TAFA4: variants seen among roughly 807,000 people sequenced by gnomAD.
TAFA4 encodes TAFA chemokine like family member 4.
TAFA4 carries 20 observed loss-of-function variants against 21.1 expected under a neutral mutation model. The ratio of observed to expected loss-of-function variants is 0.95; its 90% CI spans 0.67 to 1.38. The LOEUF is 1.38. Ranked by LOEUF, TAFA4 falls within the 40% of genes most tolerant of loss-of-function variation. The pLI is 0.00. For synonymous variants in TAFA4, 71 were observed against 67.4 expected, an observed-to-expected ratio of 1.05 and a Z score of -0.26; for missense variants, 211 against 180.9, an observed-to-expected ratio of 1.17 and a Z score of -0.95.
chr3:68,840,455 A>C (rs1704634801), intron 3 of TAFA4, among the ~76,000 whole-genome samples: 2 of 152,246 alleles, frequency 1.3e-5, no homozygotes, highest in East Asian at 1.9e-4. Context: ...GAGCTCAAGC[A>C]ATCTACCCAC....
chr3:68,852,158 C>A (rs1337296231), intron 3 of TAFA4, among the ~76,000 whole-genome samples: 1 of 152,190 alleles, frequency 6.6e-6, no homozygotes, highest in Middle Eastern at 3.4e-3. Flanking sequence ...TCAAGACTGA[C>A]GGAGGCCAAT....
intron 1 of TAFA4, among the ~76,000 whole-genome samples, chr3:68,919,675 C>T (rs1000216161): frequency 3.3e-5 from 5 of 152,130 alleles, no homozygotes; most frequent in Non-Finnish European, 7.4e-5. Flanking sequence ...GTGGCTCTCA[C>T]GGTGAACAGC....
intron 3 of TAFA4, among the ~76,000 whole-genome samples, chr3:68,842,016 T>C (rs946230765): frequency 6.6e-6 from 1 of 152,218 alleles, no homozygotes; most frequent in African/African-American, 2.4e-5. Flanking sequence ...TACGTGTGCA[T>C]GTGTCCTTAT....
chr3:68,887,223 C>A (rs577786667), intron 1 of TAFA4, among the ~76,000 whole-genome samples: 5 of 152,302 alleles, frequency 3.3e-5, no homozygotes, highest in South Asian at 2.1e-4. Context: ...TGTCCAAAAC[C>A]CAACAGGTAA....
In TAFA4 at chr3:68,772,211, A is replaced by G. The variant is rs540432493; in HGVS notation, c.131-19193T>C. 2.6e-5 allele frequency among the ~76,000 whole-genome samples: 4 copies of G among 152,338 alleles called. No homozygotes were observed. In the South Asian group the frequency reaches 6.2e-4, roughly 24 times the overall value. ...TGATCATCCATCAGATGATTGGTAAATGAGTTCATTTATGGGTATTAAGTT... is the reference window on the plus strand; with the variant it reads ...TGATCATCCATCAGATGATTGGTAAGTGAGTTCATTTATGGGTATTAAGTT... On this transcript the variant is annotated intron_variant, in intron 3 of 5. Transcript: ENST00000295569.
chr3:68,766,021 C>G (rs1702847951), intron 3 of TAFA4, among the ~76,000 whole-genome samples: 1 of 151,850 alleles, frequency 6.6e-6, no homozygotes, highest in Admixed American at 6.6e-5. Context: ...GAGAAAGTCT[C>G]CAATATGAAA....
chr3:68,872,442 A>T (rs563071572), intron 3 of TAFA4, among the ~76,000 whole-genome samples: 5 of 152,106 alleles, frequency 3.3e-5, no homozygotes, highest in South Asian at 2.1e-4. Context: ...TTAATAGTTT[A>T]AAAAAATGCA....
chr3:68,765,118 TAAACA>T (rs1460862214), intron 3 of TAFA4, among the ~76,000 whole-genome samples: 1 of 152,128 alleles, frequency 6.6e-6, no homozygotes, highest in African/African-American at 2.4e-5. Flanking sequence ...AAGATAAAAA[TAAACA>T]AAAGGACTTG....
chr3:68,905,089 T>C (rs2089886023), intron 1 of TAFA4, among the ~76,000 whole-genome samples: 1 of 151,840 alleles, frequency 6.6e-6, no homozygotes, highest in African/African-American at 2.4e-5. Flanking sequence ...CCCAACTATG[T>C]GCTACACACT....
chr3:68,747,101 A>G (rs776039093), intron 4 of TAFA4, among the ~76,000 whole-genome samples: 3 of 152,236 alleles, frequency 2.0e-5, no homozygotes, highest in Non-Finnish European at 2.9e-5. Flanking sequence ...GTGCTAGTTC[A>G]TCAGACCTGC....
chr3:68,779,769 G>A (rs2106794498), intron 3 of TAFA4, among the ~76,000 whole-genome samples: 1 of 152,330 alleles, frequency 6.6e-6, no homozygotes. Context: ...GAGAATCTCT[G>A]CTAGGACAGT....
At chr3:68,901,377 A>T (rs2089842656) in intron 1 of TAFA4, among the ~76,000 whole-genome samples, 1 of 152,122 alleles carries the variant, frequency 6.6e-6, no homozygotes, top group African/African-American at 2.4e-5. Context: ...TGATCTAAAT[A>T]GAATTAGCCC....
intron 2 of TAFA4, 140 bp downstream of exon 2, chr3:68,885,035 A>G: frequency 1.3e-6 from 1 of 749,234 alleles, no homozygotes; most frequent in Non-Finnish European, 2.1e-6. Context: ...AAAATGAAAA[A>G]ATCAACATTT....
intron 3 of TAFA4, among the ~76,000 whole-genome samples, chr3:68,843,127 T>C (rs375671995): frequency 3.6e-4 from 55 of 152,344 alleles, no homozygotes; most frequent in Middle Eastern, 6.8e-3. Flanking sequence ...CTTTGGGCAG[T>C]ATGGCCATTT....
At chr3:68,859,181 T>C (rs971647247) in intron 3 of TAFA4, among the ~76,000 whole-genome samples, 4 of 152,168 alleles carry the variant, frequency 2.6e-5, no homozygotes, top group African/African-American at 9.7e-5. Flanking sequence ...AAAACATATC[T>C]GTGGGCCTAC....
In TAFA4 at chr3:68,747,675, G is replaced by T. The variant is rs77280517; in HGVS notation, c.286+5188C>A. 5.5e-3 allele frequency among the ~76,000 whole-genome samples: 844 copies of T among 152,228 alleles called. 9 individuals are homozygous for T. The highest frequency in any genetic ancestry group is 0.02 in the African/African-American group (813 of 41,552). Reference sequence around the variant, plus strand: ...TCGCACACACAAATCCTGACTGATTGTGAGCTCACCATGAAACCTATGCTG... The same window carrying T: ...TCGCACACACAAATCCTGACTGATTTTGAGCTCACCATGAAACCTATGCTG... On this transcript the variant is annotated intron_variant, in intron 4 of 5. Transcript: ENST00000295569.
intron 3 of TAFA4, among the ~76,000 whole-genome samples, chr3:68,849,635 C>G (rs1216366323): frequency 6.6e-6 from 1 of 152,198 alleles, no homozygotes; most frequent in African/African-American, 2.4e-5. Flanking sequence ...CTGTGGAGAA[C>G]CACCACCTAA....
chr3:68,885,909 C>G (rs909723759), intron 1 of TAFA4, among the ~76,000 whole-genome samples: 2 of 151,962 alleles, frequency 1.3e-5, no homozygotes, highest in Non-Finnish European at 2.9e-5. Context: ...ACGCATAAAC[C>G]TAAAAGGATT....
At chr3:68,772,124 A>T (rs1324873707) in intron 3 of TAFA4, among the ~76,000 whole-genome samples, 1 of 152,220 alleles carries the variant, frequency 6.6e-6, no homozygotes, top group Non-Finnish European at 1.5e-5. Context: ...AAAATAGATG[A>T]GCTTTATGGA....
Sources: gnomAD v4.1 joint callset for allele counts (sites outside exome capture counted in the v4.1 genomes callset) on GRCh38, gnomAD v4.1.1 for gene constraint, MANE v1.5 for transcripts, NCBI Gene and HGNC (gene_info 2026-07-23, HGNC 2026-07-21) for gene names.